KAZN: variants seen among roughly 807,000 people sequenced by gnomAD.
KAZN encodes kazrin, periplakin interacting protein.
KAZN carries 40 observed loss-of-function variants against 87.4 expected under a neutral mutation model. The ratio of observed to expected loss-of-function variants is 0.46; its 90% CI spans 0.36 to 0.60. The LOEUF (loss-of-function observed/expected upper bound fraction) is 0.60, where lower values mean the gene tolerates loss of function less well. Among genes scored for constraint, KAZN ranks in the 20% least tolerant of loss-of-function variants. The pLI, the probability that KAZN is intolerant of heterozygous loss-of-function variation, is 0.00. For synonymous variants in KAZN, 466 were observed against 458.3 expected (o/e 1.02, Z -0.22); for missense variants, 898 against 1,073.9 (o/e 0.84, Z 2.29).
chr1:14,854,387 C>T lies in KAZN; in HGVS notation c.227-106297C>T, dbSNP rs116728436. ...CATTTTGTGTTGCTATAACAGAATACCTGAGACTGGGTAGTTTATACAGAA... is the reference window on the plus strand; with the variant it reads ...CATTTTGTGTTGCTATAACAGAATATCTGAGACTGGGTAGTTTATACAGAA... On this transcript the variant is annotated intron_variant, in intron 1 of 14. Coordinates refer to ENST00000376030, the MANE Select transcript of KAZN (RefSeq NM_201628.3). 5.7e-3 allele frequency among the ~76,000 whole-genome samples: 861 copies of T among 152,248 alleles called. 11 individuals carry two copies. Among genetic ancestry groups the T allele is most frequent in the African/African-American group, 0.02 (822 of 41,544 alleles).
intron 1 of KAZN, among the ~76,000 whole-genome samples, chr1:13,916,442 T>G (rs1203950574): frequency 6.6e-6 from 1 of 152,148 alleles, no homozygotes; most frequent in Non-Finnish European, 1.5e-5. Flanking sequence ...CTGATACTGC[T>G]TAGTATGGAT....
At chr1:14,770,064 G>C (rs904639082) in intron 1 of KAZN, among the ~76,000 whole-genome samples, 15 of 152,290 alleles carry the variant, frequency 9.8e-5, no homozygotes, top group African/African-American at 3.4e-4. Flanking sequence ...AATAGTCCAG[G>C]GTGGCTGGAG....
At chr1:14,470,825 G>A (rs1037474089) in intron 2 of KAZN, among the ~76,000 whole-genome samples, 1 of 152,126 alleles carries the variant, frequency 6.6e-6, no homozygotes, top group Non-Finnish European at 1.5e-5. Flanking sequence ...CTCGGCTTTG[G>A]GTAGTTCCCT....
intron 1 of KAZN, among the ~76,000 whole-genome samples, chr1:13,894,752 C>A (rs897754358): frequency 1.3e-5 from 2 of 152,190 alleles, no homozygotes; most frequent in Admixed American, 1.3e-4. Flanking sequence ...GGGTATCCGT[C>A]CCCTGCTGCA....
At chr1:14,522,758 G>C (rs775319003) in intron 2 of KAZN, among the ~76,000 whole-genome samples, 1 of 152,322 alleles carries the variant, frequency 6.6e-6, no homozygotes, top group African/African-American at 2.4e-5. Flanking sequence ...TAGATCTTTT[G>C]TGTGTGTTTC....
In KAZN at chr1:14,503,798, A is replaced by C. The variant is rs535590368; in HGVS notation, c.250-95185A>C. ...CCAGATTTGATGAACCTATGCTAAT[A>C]CCCTCCTCCTCTTAGGGCCAGGGGC... On this transcript the variant is annotated intron_variant, in intron 2 of 16. Coordinates refer to the KAZN transcript ENST00000636203. 2.6e-5 allele frequency among the ~76,000 whole-genome samples: 4 copies of C among 152,104 alleles called. No individual in the cohort carries two copies. The South Asian group carries it at 8.3e-4, about 32-fold the overall frequency.
chr1:15,078,404 C>CA (rs879550907), intron 8 of KAZN, among the ~76,000 whole-genome samples: 6 of 151,476 alleles, frequency 4.0e-5, no homozygotes, highest in African/African-American at 1.2e-4. Flanking sequence ...GACTCCATCT[C>CA]AAAAAAAATA....
Position 15,046,305 on chromosome 1 carries a change from AAAG to A in KAZN, c.726+2148_726+2150del, listed in dbSNP as rs1466925280. The stretch of plus-strand genomic sequence containing the variant: ...AGAGCAAGACTCCGTCTCAAAAAAA[AAAG>A]AGAATCATAAGGAAGAGAAAATATA... On this transcript the variant is annotated intron_variant, in intron 4 of 14. Transcript: ENST00000376030. 2.0e-5 allele frequency among the ~76,000 whole-genome samples: 3 copies of A among 152,006 alleles called. No individual in the cohort carries two copies. In the East Asian group the frequency reaches 5.8e-4, roughly 29 times the overall value.
chr1:14,398,115 T>TA (rs896668760), intron 2 of KAZN, among the ~76,000 whole-genome samples: 1 of 152,230 alleles, frequency 6.6e-6, no homozygotes, highest in Non-Finnish European at 1.5e-5. Flanking sequence ...ATGCCTGTGT[T>TA]ACAGTAATAT....
At chr1:14,235,708 C>G (rs948499563) in intron 2 of KAZN, among the ~76,000 whole-genome samples, 2 of 152,164 alleles carry the variant, frequency 1.3e-5, no homozygotes, top group African/African-American at 4.8e-5. Flanking sequence ...GAATTGGAAA[C>G]AATCTAGATG....
chr1:14,843,500 G>A lies in KAZN; in HGVS notation c.227-117184G>A, dbSNP rs140096566. ...GGATCTCATGGTTGCTGTGACATGA[G>A]GCTCATTAGAGGAGATGACCTTTCT... is the stretch of plus-strand genomic sequence containing the variant. On this transcript the variant is annotated intron_variant, in intron 1 of 14. Transcript: ENST00000376030. Among the ~76,000 whole-genome samples, 539 of 152,288 alleles carry A rather than the reference G, an allele frequency of 3.5e-3. 6 individuals carry two copies. The highest frequency in any genetic ancestry group is 0.012 in the African/African-American group (508 of 41,540).
Position 14,994,041 on chromosome 1 carries a change from G to A in KAZN, c.418+33166G>A, listed in dbSNP as rs766841882. On this transcript the variant is annotated intron_variant, in intron 2 of 14. Coordinates refer to ENST00000376030, the MANE Select transcript of KAZN (RefSeq NM_201628.3). ...GCATGGTCGCCTTTCCTGCTGGGGC[G>A]ACAGTGGGCATCTCATAGTCCTCTG... is the stretch of plus-strand genomic sequence containing the variant. Among the ~76,000 whole-genome samples, 10 of 152,312 alleles carry A rather than the reference G, an allele frequency of 6.6e-5. No individual in the cohort carries two copies. The East Asian group carries it at 1.4e-3, about 21-fold the overall frequency.
chr1:14,211,119 A>G (rs1425372498), intron 2 of KAZN, among the ~76,000 whole-genome samples: 2 of 152,228 alleles, frequency 1.3e-5, no homozygotes, highest in Non-Finnish European at 2.9e-5. Flanking sequence ...GTGTGCACTC[A>G]CTGAAGGCAC....
At chr1:14,966,475 G>C (rs962924433) in intron 2 of KAZN, among the ~76,000 whole-genome samples, 1 of 152,134 alleles carries the variant, frequency 6.6e-6, no homozygotes, top group African/African-American at 2.4e-5. Context: ...ACGCAGTTTT[G>C]TATTAATAGT....
chr1:14,884,778 A>G (rs78291366), intron 1 of KAZN, among the ~76,000 whole-genome samples: 2,845 of 152,344 alleles, frequency 0.019, 103 homozygotes, highest in African/African-American at 0.064. Flanking sequence ...CACACTGTGA[A>G]TAGCCAGAGG....
intron 1 of KAZN, among the ~76,000 whole-genome samples, chr1:14,133,277 G>T (rs1288945568): frequency 1.3e-5 from 2 of 151,202 alleles, no homozygotes; most frequent in Non-Finnish European, 2.9e-5. Flanking sequence ...TGAGGAAGGA[G>T]AATGGCTTGG....
At chr1:14,067,288 C>T (rs1643048268) in intron 1 of KAZN, among the ~76,000 whole-genome samples, 2 of 152,184 alleles carry the variant, frequency 1.3e-5, no homozygotes, top group African/African-American at 2.4e-5. Flanking sequence ...TGTTCTTCCC[C>T]TTTGCTGGTT....
intron 1 of KAZN, among the ~76,000 whole-genome samples, chr1:14,171,813 G>A (rs1645960030): frequency 6.6e-6 from 1 of 152,076 alleles, no homozygotes; most frequent in African/African-American, 2.4e-5. Context: ...AAAGAGTTTA[G>A]GGTCATATTA....
At chr1:14,569,652 G>T (rs563860769) in intron 2 of KAZN, among the ~76,000 whole-genome samples, 49 of 151,900 alleles carry the variant, frequency 3.2e-4, no homozygotes, top group African/African-American at 1.1e-3. Context: ...GGAAATACTC[G>T]ATAATATTTA....
Sources: allele counts gnomAD v4.1 joint callset (sites outside exome capture counted in the v4.1 genomes callset), GRCh38; gene constraint gnomAD v4.1.1; transcripts MANE v1.5; gene names NCBI Gene and HGNC (gene_info 2026-07-23, HGNC 2026-07-21).